Variants in DSCAML1 observed in about 807,000 individuals in gnomAD.
The protein encoded by DSCAML1 is DS cell adhesion molecule like 1.
A neutral mutation model predicts 200.5 loss-of-function variants in DSCAML1; 38 were observed. The observed-to-expected ratio is 0.19, with a 90% CI of 0.15 to 0.25. The LOEUF (loss-of-function observed/expected upper bound fraction) is 0.25. Among genes scored for constraint, DSCAML1 ranks in the 10% least tolerant of loss-of-function variants. The pLI, the probability that DSCAML1 is intolerant of heterozygous loss-of-function variation, is 1.00. For synonymous variants in DSCAML1, 1,215 were observed against 1,165.0 expected, an observed-to-expected ratio of 1.04 and a Z score of -0.87; for missense variants, 2,223 against 2,858.8, an observed-to-expected ratio of 0.78 and a Z score of 5.07.
chr11:117,527,684 C>T (rs4938399), intron 4 of DSCAML1, among the ~76,000 whole-genome samples: 25,032 of 152,108 alleles, frequency 0.16, 2,287 homozygotes, highest in South Asian at 0.31. Context: ...CAGTAAATGG[C>T]GTCTGAGATG....
chr11:117,696,669 C>T (rs540068015), intron 3 of DSCAML1, among the ~76,000 whole-genome samples: 14 of 152,226 alleles, frequency 9.2e-5, no homozygotes, highest in Admixed American at 3.9e-4. Context: ...CTTGTCTGTG[C>T]TTCCCCAGTG....
At chr11:117,541,265 T>C (rs2050263729) in intron 3 of DSCAML1, among the ~76,000 whole-genome samples, 1 of 152,232 alleles carries the variant, frequency 6.6e-6, no homozygotes, top group Admixed American at 6.5e-5. Context: ...AAAATTAGAC[T>C]GTGTCCCTCG....
At position 117,642,589 on chromosome 11, in the gene DSCAML1, G is replaced by C. The variant is rs1022329036; in HGVS notation, c.512-110067C>G. Among the ~76,000 whole-genome samples, 1 of 152,230 alleles carries C rather than the reference G, an allele frequency of 6.6e-6. No individual in the cohort carries two copies. The highest frequency in any genetic ancestry group is 2.1e-4 in the South Asian group (1 of 4,832). ...AGCAATGGTGAGACACAGTGGGGCTGTATCCCTGTGGATGGACAGCAGTGC... is the reference window on the plus strand; with the variant it reads ...AGCAATGGTGAGACACAGTGGGGCTCTATCCCTGTGGATGGACAGCAGTGC... On this transcript the variant is annotated intron_variant, in intron 3 of 32. Coordinates refer to ENST00000651296, the MANE Select transcript of DSCAML1 (RefSeq NM_020693.4). This position sits in a 1 kb window ranked among gnomAD's most constrained non-coding sequence, Gnocchi z 4.1.
intron 3 of DSCAML1, among the ~76,000 whole-genome samples, chr11:117,729,049 TGTG>T (rs2054178067): frequency 6.6e-6 from 1 of 152,184 alleles, no homozygotes; most frequent in Non-Finnish European, 1.5e-5. Context: ...ATCAAGATAG[TGTG>T]GTACTGGTGT....
intron 26 of DSCAML1, 39 bp from the exon 27 acceptor site, chr11:117,435,838 G>A (rs761940792): frequency 1.3e-6 from 2 of 1,582,606 alleles, no homozygotes; most frequent in African/African-American, 2.7e-5. Flanking sequence ...TGTCCCTTAT[G>A]AGCCAGGTGC....
At chr11:117,750,338 C>T (rs755270983) in intron 3 of DSCAML1, among the ~76,000 whole-genome samples, 19 of 152,190 alleles carry the variant, frequency 1.2e-4, no homozygotes, top group Non-Finnish European at 2.8e-4. Context: ...GAGACTGTTG[C>T]CCCTTTAGCA....
chr11:117,723,519 A>G (rs2054073543), intron 3 of DSCAML1, among the ~76,000 whole-genome samples: 1 of 152,222 alleles, frequency 6.6e-6, no homozygotes, highest in Non-Finnish European at 1.5e-5. Context: ...ACAAAAAAAG[A>G]GAGGTTTGCT....
In DSCAML1 at chr11:117,725,439, T is replaced by C. The variant is rs188921274; in HGVS notation, c.511+51352A>G. The stretch of plus-strand genomic sequence containing the variant: ...TTCAACTTCTGCCCTCCGACCCTCC[T>C]GCCCAGACTCTGATTGAGGCTCTGA... On this transcript the variant is annotated intron_variant, in intron 3 of 32. Transcript: ENST00000651296. Among the ~76,000 whole-genome samples, 181 of 152,330 alleles carry C rather than the reference T, an allele frequency of 1.2e-3. 1 individual carries two copies. The highest frequency in any genetic ancestry group is 3.4e-3 in the Middle Eastern group (1 of 294).
At chr11:117,538,816 G>A (rs2050212800) in intron 3 of DSCAML1, among the ~76,000 whole-genome samples, 1 of 151,370 alleles carries the variant, frequency 6.6e-6, no homozygotes, top group Admixed American at 6.6e-5. Flanking sequence ...CAGGGGAGGA[G>A]GGGGAAACTG....
intron 3 of DSCAML1, among the ~76,000 whole-genome samples, chr11:117,593,348 C>T (rs649233): frequency 0.23 from 34,963 of 152,232 alleles, 4,113 homozygotes; most frequent in South Asian, 0.41. Flanking sequence ...GAGCTGCCTC[C>T]CCGTGCACCT....
chr11:117,808,403 GCA>G (rs1294526414), intron 1 of DSCAML1, among the ~76,000 whole-genome samples: 2 of 152,122 alleles, frequency 1.3e-5, no homozygotes, highest in Non-Finnish European at 2.9e-5. Context: ...GATAATAGGC[GCA>G]TGCCCGAAGC....
chr11:117,484,885 CAGTGTGTGTG>C (rs1409978389), intron 11 of DSCAML1, among the ~76,000 whole-genome samples: 4 of 107,786 alleles, frequency 3.7e-5, no homozygotes, highest in South Asian at 6.7e-4. Context: ...AGCAGAGGAA[CAGTGTGTGTG>C]TGTGTGTGTG....
intron 3 of DSCAML1, among the ~76,000 whole-genome samples, chr11:117,656,549 A>T (rs1361929220): frequency 6.6e-6 from 1 of 151,404 alleles, no homozygotes; most frequent in Non-Finnish European, 1.5e-5. Flanking sequence ...CTATCTATCC[A>T]TCCATCCACC....
intron 31 of DSCAML1, 116 bp from the exon 32 acceptor site, chr11:117,431,149 C>G: frequency 4.8e-6 from 5 of 1,051,234 alleles, no homozygotes; most frequent in Non-Finnish European, 1.4e-6. Flanking sequence ...CCATGGAGGG[C>G]ACCAGGCTGA....
At chr11:117,524,288 T>TG (rs1252696750) in intron 5 of DSCAML1, among the ~76,000 whole-genome samples, 6 of 152,262 alleles carry the variant, frequency 3.9e-5, no homozygotes, top group African/African-American at 1.4e-4. Flanking sequence ...TGCTTGTTTA[T>TG]GGCCAGTTTC....
intron 3 of DSCAML1, among the ~76,000 whole-genome samples, chr11:117,686,911 G>A (rs931688419): frequency 8.5e-5 from 13 of 152,146 alleles, no homozygotes; most frequent in African/African-American, 2.4e-4. Flanking sequence ...TCCAAGAACC[G>A]GTGACTCAGG....
At chr11:117,745,023 C>CA (rs5795103) in intron 3 of DSCAML1, among the ~76,000 whole-genome samples, 144,630 of 152,266 alleles carry the variant, frequency 0.95, 68,957 homozygotes, top group East Asian at 1. Flanking sequence ...ACAACCAGCA[C>CA]ACCTCCTGAG....
Position 117,653,627 on chromosome 11 carries a change from G to A in DSCAML1, c.512-121105C>T, listed in dbSNP as rs180806469. Among the ~76,000 whole-genome samples, 32 of 152,226 alleles carry A rather than the reference G, an allele frequency of 2.1e-4. No individual in the cohort carries two copies. In the East Asian group the frequency reaches 4.4e-3, roughly 21 times the overall value. ...GGTGGGAGTGTAAAACGGTGCAGCCGCTTTGGAAAACTGTCTGGCAGCTCC... is the reference window on the plus strand; with the variant it reads ...GGTGGGAGTGTAAAACGGTGCAGCCACTTTGGAAAACTGTCTGGCAGCTCC... On this transcript the variant is annotated intron_variant, in intron 3 of 32. Transcript: ENST00000651296.
intron 3 of DSCAML1, among the ~76,000 whole-genome samples, chr11:117,759,133 T>C (rs1368089095): frequency 6.6e-6 from 1 of 152,188 alleles, no homozygotes; most frequent in Non-Finnish European, 1.5e-5. Flanking sequence ...TGTAGCAGGA[T>C]GCTTCTTGAG....
Sources: allele counts gnomAD v4.1 joint callset (sites outside exome capture counted in the v4.1 genomes callset), GRCh38; gene constraint gnomAD v4.1.1; non-coding constraint Gnocchi (gnomAD v3.1); transcripts MANE v1.5; gene names NCBI Gene and HGNC (gene_info 2026-07-23, HGNC 2026-07-21).